DDX1: variants seen among roughly 807,000 people sequenced by gnomAD.
DDX1 encodes the protein ATP-dependent RNA helicase DDX1.
In DDX1, 28 loss-of-function variants were observed where a neutral mutation model predicts 108.7. The observed-to-expected ratio is 0.26, with a 90% CI of 0.19 to 0.35. DDX1 has a LOEUF of 0.35. Among genes scored for constraint, DDX1 ranks in the 10% least tolerant of loss-of-function variants. The pLI, the probability that DDX1 is intolerant of heterozygous loss-of-function variation, is 1.00. For missense variants in DDX1, 710 were observed against 884.5 expected (o/e 0.80, Z 2.50); for synonymous variants, 295 against 288.9 (o/e 1.02, Z -0.21).
Position 15,630,016 on chromosome 2 carries a change from G to A in DDX1, c.1998G>A (p.Leu666=). The A allele has an allele frequency of 2.5e-6, 4 of 1,612,726 alleles. No homozygotes were observed. The highest frequency in any genetic ancestry group is 1.7e-4 in the Middle Eastern group (1 of 6,054). The change falls in exon 25 of 26, where the codon CTG becomes CTA. Residue 666 remains leucine (L), a synonymous_variant. Coordinates refer to ENST00000233084, the MANE Select transcript of DDX1 (RefSeq NM_004939.3). ...MQLLSEIEEH[L]NCTISQVEPD... ...TACTATCTGAGATAGAAGAACACCT[G>A]AACTGTACCATTTCTCAGGTTGAGC...
In DDX1 at chr2:15,623,395, T is replaced by G. The variant is rs1055604061; in HGVS notation, c.1448-41T>G. The G allele has an allele frequency of 3.7e-6, 6 of 1,604,628 alleles. No homozygotes were observed. The East Asian group carries it at 1.3e-4, about 36-fold the overall frequency. On this transcript the variant is annotated intron_variant, in intron 18 of 25. Coordinates refer to ENST00000233084, the MANE Select transcript of DDX1 (RefSeq NM_004939.3). ...TATGTGTATTCATGACAAGTTCAGA[T>G]TGAAATTCTGTTGGTTTTTGTTGTT...
At chr2:15,605,795 G>A (rs1038928246) in intron 10 of DDX1, among the ~76,000 whole-genome samples, 155 bp from the exon 11 acceptor site, 4 of 152,176 alleles carry the variant, frequency 2.6e-5, no homozygotes, top group African/African-American at 9.7e-5. Context: ...CAGGAGTAAA[G>A]TAAAAAAATG....
rs567034151 is a variant in DDX1, at chr2:15,594,291, C to CT, written c.17-846dup. On this transcript the variant is annotated intron_variant, in intron 1 of 25. Transcript: ENST00000233084. ...GGCTTGGGAATGTTTGATTCTTGTTCTTTTTTTTATAGGAATATATATTTT... is the reference window on the plus strand; with the variant it reads ...GGCTTGGGAATGTTTGATTCTTGTTCTTTTTTTTTATAGGAATATATATTTT... 9.9e-5 allele frequency among the ~76,000 whole-genome samples: 15 copies of CT among 151,674 alleles called. No individual in the cohort carries two copies. The South Asian group carries it at 1.7e-3, about 17-fold the overall frequency.
chr2:15,628,970 T>C, intron 23 of DDX1, 131 bp downstream of exon 23: 3 of 797,836 alleles, frequency 3.8e-6, no homozygotes, highest in East Asian at 2.6e-5. Context: ...CTTTTTAATG[T>C]CATCTTTTTT....
At chr2:15,623,956 G>A (rs1666053325) in intron 19 of DDX1, among the ~76,000 whole-genome samples, 1 of 152,018 alleles carries the variant, frequency 6.6e-6, no homozygotes, top group South Asian at 2.1e-4. Flanking sequence ...CTAAACAAGA[G>A]CAAGAAAGGA....
intron 14 of DDX1, among the ~76,000 whole-genome samples, chr2:15,615,686 C>G (rs1207482745): frequency 6.6e-6 from 1 of 151,996 alleles, no homozygotes; most frequent in Non-Finnish European, 1.5e-5. Flanking sequence ...AGTAATGGAA[C>G]TAGAGGAATA....
Position 15,591,871 on chromosome 2 carries a change from G to A in DDX1, c.-63G>A. ...GGGGCCGGAAGCGCGCGCCGCCACTGCCACGCCGTGTCAGTCGGGAGGGAG... is the reference window on the plus strand; with the variant it reads ...GGGGCCGGAAGCGCGCGCCGCCACTACCACGCCGTGTCAGTCGGGAGGGAG... On this transcript the variant is annotated 5_prime_UTR_variant, in exon 1 of 26. Coordinates refer to ENST00000233084, the MANE Select transcript of DDX1 (RefSeq NM_004939.3). The A allele has an allele frequency of 6.8e-7, 1 of 1,464,080 alleles. No homozygotes were observed. Among genetic ancestry groups the A allele is most frequent in the Non-Finnish European group, 9.1e-7 (1 of 1,104,892 alleles). The allele number at this position is 1,464,080 out of a possible 1,614,324, so 90.7% of individuals were successfully genotyped here.
chr2:15,612,630 C>T lies in DDX1; in HGVS notation c.957-594C>T, dbSNP rs1208487624. Among the ~76,000 whole-genome samples, 7 of 151,994 alleles carry T rather than the reference C, an allele frequency of 4.6e-5. No individual in the cohort carries two copies. The South Asian group carries it at 1.3e-3, about 27-fold the overall frequency. ...GGCGGCCGGGCAGAGGCTGCAATCT[C>T]GGCACTTTGGGAGGCCAAGGCAGGC... is the stretch of plus-strand genomic sequence containing the variant. On this transcript the variant is annotated intron_variant, in intron 13 of 25. Coordinates refer to ENST00000233084, the MANE Select transcript of DDX1 (RefSeq NM_004939.3).
At chr2:15,622,542 A>G (rs1666031010) in intron 18 of DDX1, among the ~76,000 whole-genome samples, 1 of 152,052 alleles carries the variant, frequency 6.6e-6, no homozygotes, top group Non-Finnish European at 1.5e-5. Context: ...TGAGGGTCGG[A>G]CTCTGCTTGC....
intron 12 of DDX1, 131 bp downstream of exon 12, chr2:15,606,395 A>G: frequency 1.6e-6 from 1 of 612,768 alleles, no homozygotes; most frequent in Non-Finnish European, 2.8e-6. Flanking sequence ...TTTTTTTAAC[A>G]CAGCAGTAAA....
chr2:15,599,562 G>C lies in DDX1; in HGVS notation c.260-107G>C, dbSNP rs1030170978. 6 of 737,836 alleles carry C rather than the reference G, an allele frequency of 8.1e-6. No individual in the cohort carries two copies. In the East Asian group the frequency reaches 1.2e-4, roughly 14 times the overall value. 45.7% of individuals were successfully genotyped at this position (737,836 alleles called of 1,614,324 possible). A position where few individuals can be genotyped will look rare whatever the true frequency, so the allele number is the denominator to read the frequency against. ...TCCTGACCTCAAGTGAACCACCCAC[G>C]TCAGCTTCCCAAAGTGCTGAGATTA... On this transcript the variant is annotated intron_variant, in intron 5 of 25. Coordinates refer to ENST00000233084, the MANE Select transcript of DDX1 (RefSeq NM_004939.3).
Position 15,603,794 on chromosome 2 carries a change from A to G in DDX1, c.476-20A>G, listed in dbSNP as rs1285612751. ...TTATATTTTCTCTTACCAGAAAAGT[A>G]AAATATTTTTTAAATCTAGGTACTG... On this transcript the variant is annotated intron_variant, in intron 8 of 25. Coordinates refer to ENST00000233084, the MANE Select transcript of DDX1 (RefSeq NM_004939.3). 1 of 1,544,170 alleles carries G rather than the reference A, an allele frequency of 6.5e-7. No individual in the cohort carries two copies. The highest frequency in any genetic ancestry group is 1.4e-5 in the African/African-American group (1 of 72,464).
chr2:15,606,300 G>C (rs1665661237), intron 12 of DDX1, 36 bp downstream of exon 12: 2 of 1,466,932 alleles, frequency 1.4e-6, no homozygotes, highest in South Asian at 1.2e-5. Flanking sequence ...TTCTAGAATA[G>C]TGAGAATAAT....
intron 10 of DDX1, among the ~76,000 whole-genome samples, chr2:15,605,064 GC>G (rs1184956159): frequency 1.3e-5 from 2 of 152,174 alleles, no homozygotes; most frequent in African/African-American, 4.8e-5. Flanking sequence ...GTGAGGCCAG[GC>G]CATGGAGAGC....
At chr2:15,599,487 T>A (rs560994355) in intron 5 of DDX1, among the ~76,000 whole-genome samples, 182 bp from the exon 6 acceptor site, 1 of 151,702 alleles carries the variant, frequency 6.6e-6, no homozygotes, top group African/African-American at 2.4e-5. Flanking sequence ...TTGTATTTTT[T>A]TTTTTAGTAG....
intron 6 of DDX1, among the ~76,000 whole-genome samples, chr2:15,601,680 T>TA (rs1238043646): frequency 6.6e-6 from 1 of 152,212 alleles, no homozygotes; most frequent in Admixed American, 6.5e-5. Context: ...GATAACTTTT[T>TA]AAAAGTTCAG....
intron 24 of DDX1, 91 bp downstream of exon 24, chr2:15,629,788 G>GT (rs1296340236): frequency 1.8e-6 from 2 of 1,126,510 alleles, no homozygotes. Flanking sequence ...GCTTTTATCT[G>GT]TTTGTCACTT....
intron 6 of DDX1, among the ~76,000 whole-genome samples, chr2:15,600,751 T>C (rs964604496): frequency 2.3e-5 from 3 of 132,854 alleles, no homozygotes; most frequent in South Asian, 2.6e-4. Context: ...TTTTTTTTTT[T>C]TTTTTTTTTT....
In DDX1 at chr2:15,628,529, C is replaced by T. The variant is rs1173424062; in HGVS notation, c.1759+12C>T. On this transcript the variant is annotated intron_variant, in intron 21 of 25. Coordinates refer to ENST00000233084, the MANE Select transcript of DDX1 (RefSeq NM_004939.3). ...CGGTGTTCCTTATGGTAAAAAGCAA[C>T]TTTTTATGCCTGTAGTGTGATTGTT... 1 of 1,608,488 alleles carries T rather than the reference C, an allele frequency of 6.2e-7. No individual in the cohort carries two copies. Among genetic ancestry groups the T allele is most frequent in the African/African-American group, 1.3e-5 (1 of 74,796 alleles).
Sources: gnomAD v4.1 joint callset for allele counts (sites outside exome capture counted in the v4.1 genomes callset) on GRCh38, gnomAD v4.1.1 for gene constraint, MANE v1.5 for transcripts, NCBI Gene and HGNC (gene_info 2026-07-23, HGNC 2026-07-21) for gene names.